The following SEMA5A variants were observed in gnomAD, a reference collection of about 807,000 sequenced individuals.
The protein encoded by SEMA5A is semaphorin 5A, also known as semaphorin-5A.
In SEMA5A, 55 loss-of-function variants were observed where a neutral mutation model predicts 135.5. The ratio of observed to expected loss-of-function variants is 0.41; its 90% CI spans 0.33 to 0.51. The LOEUF is 0.51. Ranked by LOEUF, SEMA5A falls within the 20% of genes least tolerant of loss-of-function variation. SEMA5A has a pLI of 0.37. For missense variants in SEMA5A, 1,290 were observed against 1,419.9 expected, an observed-to-expected ratio of 0.91 and a Z score of 1.47; for synonymous variants, 580 against 546.5, an observed-to-expected ratio of 1.06 and a Z score of -0.85.
At chr5:9,467,943 A>C (rs574659098) in intron 1 of SEMA5A, among the ~76,000 whole-genome samples, 1 of 152,384 alleles carries the variant, frequency 6.6e-6, no homozygotes, top group East Asian at 1.9e-4. Flanking sequence ...GAGTCTAACT[A>C]ATCTTTACAA....
At chr5:9,138,535 A>G (rs1248796352) in intron 12 of SEMA5A, among the ~76,000 whole-genome samples, 3 of 152,214 alleles carry the variant, frequency 2.0e-5, no homozygotes, top group Non-Finnish European at 2.9e-5. Flanking sequence ...TAACAGCTGT[A>G]TAGTGCTCCA....
At chr5:9,151,761 A>C (rs1742647631) in intron 12 of SEMA5A, among the ~76,000 whole-genome samples, 1 of 152,174 alleles carries the variant, frequency 6.6e-6, no homozygotes, top group Non-Finnish European at 1.5e-5. Flanking sequence ...CACACAGAAG[A>C]CTATAGTCTA....
intron 15 of SEMA5A, among the ~76,000 whole-genome samples, chr5:9,118,440 A>C (rs750698011): frequency 2.0e-5 from 3 of 152,204 alleles, no homozygotes; most frequent in Non-Finnish European, 4.4e-5. Flanking sequence ...ACTAAATCAA[A>C]ATGTTGCCAT....
At chr5:9,297,487 G>C (rs761033534) in intron 5 of SEMA5A, among the ~76,000 whole-genome samples, 1 of 152,158 alleles carries the variant, frequency 6.6e-6, no homozygotes, top group Non-Finnish European at 1.5e-5. Flanking sequence ...AGCAGACACT[G>C]AACCTTCAGG....
chr5:9,131,202 G>A (rs1468191841), intron 13 of SEMA5A, among the ~76,000 whole-genome samples: 3 of 152,304 alleles, frequency 2.0e-5, no homozygotes, highest in Non-Finnish European at 4.4e-5. Context: ...AAGAAGCATA[G>A]TGCTGGCATC....
At chr5:9,524,237 C>A (rs1371329582) in intron 1 of SEMA5A, among the ~76,000 whole-genome samples, 1 of 152,208 alleles carries the variant, frequency 6.6e-6, no homozygotes, top group Non-Finnish European at 1.5e-5. Flanking sequence ...GCCTCCCCAG[C>A]CATGCGGAAC....
intron 9 of SEMA5A, among the ~76,000 whole-genome samples, chr5:9,199,570 C>A (rs564771657): frequency 6.6e-6 from 1 of 152,346 alleles, no homozygotes; most frequent in African/African-American, 2.4e-5. Context: ...TCAGTATGAA[C>A]AAGCTCACTT....
intron 5 of SEMA5A, among the ~76,000 whole-genome samples, chr5:9,272,328 C>T (rs1006834877): frequency 6.6e-6 from 1 of 152,136 alleles, no homozygotes; most frequent in African/African-American, 2.4e-5. Flanking sequence ...CCTCTCTGGG[C>T]AGGGCATCTC....
intron 5 of SEMA5A, among the ~76,000 whole-genome samples, chr5:9,284,226 C>A (rs142381068): frequency 6.6e-6 from 1 of 152,266 alleles, no homozygotes; most frequent in African/African-American, 2.4e-5. Flanking sequence ...CCCTGCCAAT[C>A]ATTCCTCCAC....
At chr5:9,285,597 C>T (rs1223850838) in intron 5 of SEMA5A, among the ~76,000 whole-genome samples, 1 of 152,202 alleles carries the variant, frequency 6.6e-6, no homozygotes, top group African/African-American at 2.4e-5. Flanking sequence ...CCAAGCCAGA[C>T]TTAAACACCA....
intron 1 of SEMA5A, among the ~76,000 whole-genome samples, chr5:9,532,865 TC>T (rs1180940448): frequency 6.6e-6 from 1 of 152,158 alleles, no homozygotes; most frequent in Non-Finnish European, 1.5e-5. Flanking sequence ...TCCTTTATGC[TC>T]CCTGCCAATA....
chr5:9,041,596 C>A lies in SEMA5A; in HGVS notation c.*1301G>T, dbSNP rs1735972706. The A allele has an allele frequency of 6.6e-6, 1 of 152,302 alleles. No homozygotes were observed. The highest frequency in any genetic ancestry group is 1.5e-5 in the Non-Finnish European group (1 of 68,088). 9.4% of individuals were successfully genotyped at this position (152,302 alleles called of 1,614,324 possible). A position where few individuals can be genotyped will look rare whatever the true frequency, so the allele number is the denominator to read the frequency against. On this transcript the variant is annotated 3_prime_UTR_variant, in exon 23 of 23. Transcript: ENST00000382496. ...AAACCCTTACTTCCAGCTATCCTGA[C>A]TTCCCAAGGTACATCTTGAAATGCT...
chr5:9,264,026 A>C (rs894476005), intron 5 of SEMA5A, among the ~76,000 whole-genome samples: 1 of 152,210 alleles, frequency 6.6e-6, no homozygotes, highest in Admixed American at 6.5e-5. Flanking sequence ...AAACTCACAT[A>C]TATGGTCACT....
chr5:9,325,378 T>G lies in SEMA5A; in HGVS notation c.225-6961A>C, dbSNP rs185942053. 2.5e-3 allele frequency among the ~76,000 whole-genome samples: 381 copies of G among 152,300 alleles called. 2 individuals carry two copies. The highest frequency in any genetic ancestry group is 8.6e-3 in the African/African-American group (359 of 41,570). ...GGCTGAATAATTCAAATCACAAAGCTATTAAGTTTGGCAGATGCAAAATCA... is the reference window on the plus strand; with the variant it reads ...GGCTGAATAATTCAAATCACAAAGCGATTAAGTTTGGCAGATGCAAAATCA... On this transcript the variant is annotated intron_variant, in intron 4 of 22. Coordinates refer to ENST00000382496, the MANE Select transcript of SEMA5A (RefSeq NM_003966.3).
intron 5 of SEMA5A, among the ~76,000 whole-genome samples, chr5:9,307,915 G>C (rs1751946309): frequency 6.6e-6 from 1 of 151,892 alleles, no homozygotes; most frequent in South Asian, 2.1e-4. Flanking sequence ...ATATATTCAT[G>C]CATCTTCAAT....
intron 8 of SEMA5A, among the ~76,000 whole-genome samples, chr5:9,214,471 A>G (rs1746508240): frequency 2.0e-5 from 3 of 152,202 alleles, no homozygotes; most frequent in Admixed American, 6.5e-5. Context: ...TTGCACCTGG[A>G]ACTGCAGTAT....
At chr5:9,241,403 T>C (rs577302652) in intron 5 of SEMA5A, among the ~76,000 whole-genome samples, 9 of 151,996 alleles carry the variant, frequency 5.9e-5, no homozygotes, top group Non-Finnish European at 1.0e-4. Flanking sequence ...AGCATAAGTG[T>C]ATTCCATCAG....
At chr5:9,358,465 G>A (rs528202561) in intron 3 of SEMA5A, among the ~76,000 whole-genome samples, 3 of 152,290 alleles carry the variant, frequency 2.0e-5, no homozygotes, top group Admixed American at 2.0e-4. Flanking sequence ...ACAAGAGGAA[G>A]GGTCTTCCCT....
chr5:9,149,973 C>T (rs990291975), intron 12 of SEMA5A, among the ~76,000 whole-genome samples: 4 of 152,180 alleles, frequency 2.6e-5, no homozygotes, highest in African/African-American at 9.7e-5. Flanking sequence ...GCTGCTCCAT[C>T]CTGTGCCTCC....
Sources: allele counts gnomAD v4.1 joint callset (sites outside exome capture counted in the v4.1 genomes callset), GRCh38; gene constraint gnomAD v4.1.1; transcripts MANE v1.5; gene names NCBI Gene and HGNC (gene_info 2026-07-23, HGNC 2026-07-21).